The following TCOF1 variants were observed in gnomAD, a reference collection of about 807,000 sequenced individuals.
TCOF1 encodes the protein treacle protein.
In TCOF1, 33 loss-of-function variants were observed where a neutral mutation model predicts 149.0. The observed-to-expected ratio is 0.22, with a 90% CI of 0.17 to 0.30. The LOEUF (loss-of-function observed/expected upper bound fraction) is 0.30, where lower values mean the gene tolerates loss of function less well. Among genes scored for constraint, TCOF1 ranks in the 10% least tolerant of loss-of-function variants. TCOF1 has a pLI of 1.00. For synonymous variants in TCOF1, 789 were observed against 738.8 expected, an observed-to-expected ratio of 1.07 and a Z score of -1.10; for missense variants, 1,728 against 1,840.7, an observed-to-expected ratio of 0.94 and a Z score of 1.12.
At position 150,387,970 on chromosome 5, in the gene TCOF1, A is replaced by T; in HGVS notation, c.2928A>T (p.Ala976=). Residue 976 remains alanine (A), a synonymous_variant, in exon 18 of 27, where the codon GCA becomes GCT. Transcript: ENST00000643257. ...CAGCTGGCCCAGCTGCTACACCCGC[A>T]CAAGCCCAGGCTGCAAGCACCCCGA... ...RSPAGPAATP[A]QAQAASTPRK... 6.2e-7 allele frequency: 1 copy of T among 1,613,846 alleles called. No individual in the cohort carries two copies. Among genetic ancestry groups the T allele is most frequent in the Non-Finnish European group, 8.5e-7 (1 of 1,180,006 alleles).
At chr5:150,397,150 T>G in intron 24 of TCOF1, among the ~76,000 whole-genome samples, 1 of 24,422 alleles carries the variant, frequency 4.1e-5, no homozygotes, top group Non-Finnish European at 8.3e-5. Flanking sequence ...AGAGCAAGAC[T>G]GTCAAAAAAA....
At chr5:150,397,548 G>A (rs545686631) in intron 24 of TCOF1, among the ~76,000 whole-genome samples, 15 of 152,220 alleles carry the variant, frequency 9.9e-5, no homozygotes, top group Non-Finnish European at 1.9e-4. Flanking sequence ...GCTCGGAGAA[G>A]TAGAGATGCT....
At position 150,391,640 on chromosome 5, in the gene TCOF1, A is replaced by G; in HGVS notation, c.3280A>G (p.Thr1094Ala). The G allele has an allele frequency of 1.2e-6, 2 of 1,613,982 alleles. No homozygotes were observed. Among genetic ancestry groups the G allele is most frequent in the South Asian group, 2.2e-5 (2 of 91,078 alleles). Residue 1094 changes from threonine (T) to alanine (A), a missense_variant, in exon 20 of 27, where the codon ACC becomes GCC. Thr to Ala is a moderately conservative substitution (Grantham distance 58, BLOSUM62 0). Coordinates refer to ENST00000643257, the MANE Select transcript of TCOF1 (RefSeq NM_001371623.1). Reference sequence around the variant, plus strand: ...TGAGGCTCAGCCTCCTGTTGCCAGGACCCAGCCTTCAAGTGGGGTGAGCTT... The same window carrying G: ...TGAGGCTCAGCCTCCTGTTGCCAGGGCCCAGCCTTCAAGTGGGGTGAGCTT... The part of the protein sequence containing the change: ...ASEAQPPVAR[T>A]QPSSGVDSAV...
rs1769499201 is a variant in TCOF1, at chr5:150,400,262, A to C, written c.*475A>C. ...TTTTTTGTTTTTTTTTTAATAACTC[A>C]AAAAAAAAATAAAAGACTTGGAGGA... is the stretch of plus-strand genomic sequence containing the variant. On this transcript the variant is annotated 3_prime_UTR_variant, in exon 27 of 27. Transcript: ENST00000643257. The C allele has an allele frequency of 6.8e-6, 1 of 147,354 alleles. No individual in the cohort carries two copies. The highest frequency in any genetic ancestry group is 2.5e-5 in the African/African-American group (1 of 39,970). The allele number at this position is 147,354 out of a possible 1,614,324, so 9.1% of individuals were successfully genotyped here. A position where few individuals can be genotyped will look rare whatever the true frequency, so the allele number is the denominator to read the frequency against.
In TCOF1 at chr5:150,372,012, C is replaced by A. The variant is rs1762643334; in HGVS notation, c.646C>A (p.Pro216Thr). ...SSDETDVEGK[P>T]SVKPAQVKAS... ...TTCCATCCTCTTGTTCCAGGGGAAACCCTCAGTAAAACCAGCCCAGGTCAA... is the reference window on the plus strand; with the variant it reads ...TTCCATCCTCTTGTTCCAGGGGAAAACCTCAGTAAAACCAGCCCAGGTCAA... The change falls in exon 7 of 27, where the codon CCC becomes ACC. Residue 216 changes from proline (P) to threonine (T), a missense_variant. Pro to Thr is a conservative substitution (Grantham distance 38). This residue lies in a region of TCOF1 where 1,696 missense variants were observed against 1,765.4 expected (regional missense o/e 0.96). Coordinates refer to ENST00000643257, the MANE Select transcript of TCOF1 (RefSeq NM_001371623.1). The A allele has an allele frequency of 1.2e-6, 2 of 1,613,992 alleles. No homozygotes were observed. The highest frequency in any genetic ancestry group is 1.6e-4 in the Middle Eastern group (1 of 6,062).
At chr5:150,396,948 G>A (rs1017638010) in intron 24 of TCOF1, 106 bp downstream of exon 24, 1 of 1,354,612 alleles carries the variant, frequency 7.4e-7, no homozygotes, top group Non-Finnish European at 1.0e-6. Context: ...ATGTAGAAAA[G>A]AGAGGCTGAG....
At chr5:150,359,360 AC>A (rs1368027333) in intron 1 of TCOF1, among the ~76,000 whole-genome samples, 8 of 151,708 alleles carry the variant, frequency 5.3e-5, no homozygotes, top group African/African-American at 1.9e-4. Context: ...AAAAAAAAAA[AC>A]GTCCATAGTG....
rs372635193 is a variant in TCOF1, at chr5:150,379,380, G to A, written c.2630G>A (p.Ser877Asn). ...DSGSSEEESD[S>N]EEEAETLAQV... Reference sequence around the variant, plus strand: ...GGGAGCAGTGAGGAGGAGTCAGACAGTGAGGAGGAGGCGGAGACGCTGGCT... The same window carrying A: ...GGGAGCAGTGAGGAGGAGTCAGACAATGAGGAGGAGGCGGAGACGCTGGCT... The change falls in exon 16 of 27, where the codon AGT becomes AAT. Residue 877 changes from serine (S) to asparagine (N), a missense_variant. Physicochemically the swap from Ser to Asn is conservative, Grantham distance 46. Around this residue, in one of 2 missense-constraint regions of TCOF1, gnomAD observed 1,696 missense variants for 1,765.4 expected, o/e 0.96. Transcript: ENST00000643257. 1.4e-5 allele frequency: 23 copies of A among 1,614,050 alleles called. No homozygotes were observed. The highest frequency in any genetic ancestry group is 1.9e-5 in the Non-Finnish European group (22 of 1,180,026).
chr5:150,368,975 A>C, intron 5 of TCOF1, 73 bp downstream of exon 5: 1 of 1,573,438 alleles, frequency 6.4e-7, no homozygotes, highest in Non-Finnish European at 8.7e-7. Context: ...GCATTGCTTT[A>C]AGTTCTGGGA....
At chr5:150,376,656 A>C in intron 14 of TCOF1, 36 bp downstream of exon 14, 2 of 1,546,342 alleles carry the variant, frequency 1.3e-6, no homozygotes, top group Non-Finnish European at 1.7e-6. Flanking sequence ...TCCCACCCAC[A>C]CCTGTTCCTG....
At chr5:150,390,171 C>A in intron 19 of TCOF1, 148 bp downstream of exon 19, 1 of 1,280,978 alleles carries the variant, frequency 7.8e-7, no homozygotes, top group South Asian at 1.4e-5. Flanking sequence ...GCTTTCTGGC[C>A]TCCTAGCTAC....
intron 14 of TCOF1, among the ~76,000 whole-genome samples, chr5:150,378,072 CCTGAGTCATA>C: frequency 6.6e-6 from 1 of 152,324 alleles, no homozygotes; most frequent in Admixed American, 6.5e-5. Flanking sequence ...AGCACCTCGG[CCTGAGTCATA>C]CTTGGTCCAC....
intron 26 of TCOF1, among the ~76,000 whole-genome samples, chr5:150,399,369 G>T (rs576791825): frequency 6.6e-6 from 1 of 152,232 alleles, no homozygotes; most frequent in South Asian, 2.1e-4. Context: ...AGGTGAGGTC[G>T]GATACAGCTT....
At position 150,396,737 on chromosome 5, in the gene TCOF1, G is replaced by A. The variant is rs757272393; in HGVS notation, c.4240G>A (p.Ala1414Thr). ...KGKGSLGSQG[A>T]KDEPEEELQK... ...GAAGGGGTCTCTTGGCTCCCAAGGG[G>A]CCAAGGACGAGCCAGAAGAGGAGCT... Residue 1414 changes from alanine to threonine, a missense_variant, in exon 24 of 27, where the codon GCC becomes ACC. Ala to Thr is a moderately conservative substitution (Grantham distance 58). Around this residue, in one of 2 missense-constraint regions of TCOF1, gnomAD observed 1,696 missense variants for 1,765.4 expected, o/e 0.96. Transcript: ENST00000643257. 3.7e-6 allele frequency: 6 copies of A among 1,612,206 alleles called. No homozygotes were observed. The highest frequency in any genetic ancestry group is 1.3e-5 in the African/African-American group (1 of 74,986).
chr5:150,368,794 T>C lies in TCOF1; in HGVS notation c.457T>C (p.Ser153Pro), dbSNP rs1161730410. ...ATGKTVANLL[S>P]GKSPRKSAEP... ...TGGGAAGACGGTGGCCAACCTTCTT[T>C]CTGGGAAGTCTCCCAGGAAGTCAGC... Residue 153 changes from serine (S) to proline (P), a missense_variant, in exon 5 of 27, where the codon TCT becomes CCT. Ser to Pro is a moderately conservative substitution (Grantham distance 74, BLOSUM62 -1). Around this residue, in one of 2 missense-constraint regions of TCOF1, gnomAD observed 1,696 missense variants for 1,765.4 expected, o/e 0.96. Coordinates refer to ENST00000643257, the MANE Select transcript of TCOF1 (RefSeq NM_001371623.1). 3.1e-6 allele frequency: 5 copies of C among 1,613,980 alleles called. No homozygotes were observed. The African/African-American group carries it at 5.3e-5, about 17-fold the overall frequency.
chr5:150,362,623 G>C (rs1760390971), intron 2 of TCOF1, among the ~76,000 whole-genome samples: 1 of 152,154 alleles, frequency 6.6e-6, no homozygotes, highest in Admixed American at 6.5e-5. Flanking sequence ...CCTGTCATTA[G>C]AGGTGTGTAA....
chr5:150,358,634 C>T (rs1759243019), intron 1 of TCOF1, among the ~76,000 whole-genome samples: 2 of 151,926 alleles, frequency 1.3e-5, no homozygotes, highest in South Asian at 2.1e-4. Context: ...GTCAGAAGTT[C>T]GAGACCAGCC....
chr5:150,364,275 A>G (rs1760806299), intron 3 of TCOF1, 23 bp downstream of exon 3: 1 of 1,613,876 alleles, frequency 6.2e-7, no homozygotes, highest in Admixed American at 1.7e-5. Flanking sequence ...CAGCTTTGGG[A>G]ACAGGCTATG....
chr5:150,376,504 G>A lies in TCOF1; in HGVS notation c.2224G>A (p.Val742Ile), dbSNP rs1418235566. 2 of 1,613,630 alleles carry A rather than the reference G, an allele frequency of 1.2e-6. No homozygotes were observed. The highest frequency in any genetic ancestry group is 2.2e-5 in the East Asian group (1 of 44,884). Residue 742 changes from valine to isoleucine, a missense_variant, in exon 14 of 27, where the codon GTA (valine) becomes ATA (isoleucine). Physicochemically the swap from Val to Ile is conservative, Grantham distance 29. Transcript: ENST00000643257. ...KGSLGQGTAP[V>I]LPGKTGPTVT... ...GTCCTTGGGGCAAGGGACTGCTCCAGTACTCCCTGGGAAGACGGGGCCTAC... is the reference window on the plus strand; with the variant it reads ...GTCCTTGGGGCAAGGGACTGCTCCAATACTCCCTGGGAAGACGGGGCCTAC...
Sources: allele counts gnomAD v4.1 joint callset (sites outside exome capture counted in the v4.1 genomes callset), GRCh38; gene constraint gnomAD v4.1.1; regional missense constraint gnomAD v4.1.1; transcripts MANE v1.5; gene names NCBI Gene and HGNC (gene_info 2026-07-23, HGNC 2026-07-21).